Variants in LYST observed in about 807,000 individuals in gnomAD.
The protein encoded by LYST is lysosomal trafficking regulator, also known as lysosomal-trafficking regulator.
In LYST, 192 loss-of-function variants were observed where a neutral mutation model predicts 413.6. The observed-to-expected ratio is 0.46, with a 90% CI of 0.41 to 0.52. The LOEUF (loss-of-function observed/expected upper bound fraction) is 0.52, where lower values mean the gene tolerates loss of function less well. Ranked by LOEUF, LYST falls within the 20% of genes least tolerant of loss-of-function variation. LYST has a pLI of 0.00. For missense variants in LYST, 3,815 were observed against 4,499.9 expected (o/e 0.85, Z 4.35); for synonymous variants, 1,525 against 1,567.3 (o/e 0.97, Z 0.64).
intron 47 of LYST, among the ~76,000 whole-genome samples, chr1:235,691,713 T>TTTTTTA (rs1660670846): frequency 6.6e-6 from 1 of 150,424 alleles, no homozygotes; most frequent in African/African-American, 2.5e-5. Flanking sequence ...TTTTTTTTTT[T>TTTTTTA]GAGATGGAGT....
Position 235,686,893 on chromosome 1 carries a change from TTTC to T in LYST, c.10800+53_10800+55del. On this transcript the variant is annotated intron_variant, in intron 48 of 52. Transcript: ENST00000389793. The surrounding 1 kb of genome is among the most constrained non-coding windows in gnomAD (Gnocchi z 4.0). ...AAAGTGAATTATACTTCATAAAGGC[TTTC>T]TTCCCCTCATTGACAAAGTCCCATA... is the stretch of plus-strand genomic sequence containing the variant. 1 of 1,255,016 alleles carries T rather than the reference TTTC, an allele frequency of 8.0e-7. No homozygotes were observed. Among genetic ancestry groups the T allele is most frequent in the Non-Finnish European group, 1.2e-6 (1 of 852,026 alleles). 77.7% of individuals were successfully genotyped at this position (1,255,016 alleles called of 1,614,324 possible). A position where few individuals can be genotyped will look rare whatever the true frequency, so the allele number is the denominator to read the frequency against.
At chr1:235,815,182 AAC>A (rs1024451171) in intron 3 of LYST, among the ~76,000 whole-genome samples, 7 of 152,172 alleles carry the variant, frequency 4.6e-5, no homozygotes, top group African/African-American at 1.7e-4. Flanking sequence ...TTATCCGTTA[AAC>A]AAATATTTCT....
In LYST at chr1:235,800,404, T is replaced by C. The variant is rs1364203420; in HGVS notation, c.3940-18A>G. On this transcript the variant is annotated intron_variant, in intron 9 of 52. Transcript: ENST00000389793. ...ACAGTTCCCTGAAGATTAAAAAAAATACAAAATTAAATTACTTACCTCACA... is the reference window on the plus strand; with the variant it reads ...ACAGTTCCCTGAAGATTAAAAAAAACACAAAATTAAATTACTTACCTCACA... The C allele has an allele frequency of 1.4e-6, 2 of 1,409,764 alleles. No individual in the cohort carries two copies. The highest frequency in any genetic ancestry group is 1.7e-5 in the Admixed American group (1 of 59,628). The allele number at this position is 1,409,764 out of a possible 1,614,324, so 87.3% of individuals were successfully genotyped here.
At chr1:235,875,411 T>C (rs991271660) in intron 1 of LYST, among the ~76,000 whole-genome samples, 7 of 152,240 alleles carry the variant, frequency 4.6e-5, no homozygotes, top group Non-Finnish European at 8.8e-5. Context: ...CTTGGGGCTA[T>C]TGTGTGGCAA....
At chr1:235,746,916 G>C (rs1665980643) in intron 28 of LYST, among the ~76,000 whole-genome samples, 2 of 152,270 alleles carry the variant, frequency 1.3e-5, no homozygotes, top group Non-Finnish European at 2.9e-5. Flanking sequence ...TTTTTAGTAA[G>C]AATACTACTA....
At chr1:235,768,609 A>G (rs997983435) in intron 20 of LYST, among the ~76,000 whole-genome samples, 4 of 152,106 alleles carry the variant, frequency 2.6e-5, no homozygotes, top group African/African-American at 9.6e-5. Context: ...CATGTAAAGA[A>G]AAAAATTTGT....
chr1:235,716,607 A>T, intron 41 of LYST, 105 bp downstream of exon 41: 2 of 714,564 alleles, frequency 2.8e-6, no homozygotes, highest in Non-Finnish European at 5.0e-6. Context: ...CTAGTACAAG[A>T]AGGTAAAAAA....
intron 29 of LYST, among the ~76,000 whole-genome samples, chr1:235,744,361 T>C (rs530941922): frequency 6.6e-6 from 1 of 152,172 alleles, no homozygotes; most frequent in Non-Finnish European, 1.5e-5. Context: ...TGAAAATGCA[T>C]GTCATACAAT....
At chr1:235,716,948 T>C (rs560573769) in intron 40 of LYST, among the ~76,000 whole-genome samples, 170 bp from the exon 41 acceptor site, 2 of 152,320 alleles carry the variant, frequency 1.3e-5, no homozygotes, top group Admixed American at 1.3e-4. Flanking sequence ...AAAATTATGA[T>C]TTCAGAAATT....
chr1:235,787,869 G>A lies in LYST; in HGVS notation c.4689-496C>T, dbSNP rs34720939. Reference sequence around the variant, plus strand: ...AACATACTGGTTTGTTTAGATTTGAGTTTTAGACAAATAGTATCATACTAT... The same window carrying A: ...AACATACTGGTTTGTTTAGATTTGAATTTTAGACAAATAGTATCATACTAT... On this transcript the variant is annotated intron_variant, in intron 13 of 52. Transcript: ENST00000389793. Among the ~76,000 whole-genome samples, 773 of 152,088 alleles carry A rather than the reference G, an allele frequency of 5.1e-3. 7 individuals are homozygous for A. The highest frequency in any genetic ancestry group is 4.8e-3 in the Non-Finnish European group (325 of 67,966).
At chr1:235,696,989 ACCAAGGACTC>A in intron 46 of LYST, 84 bp downstream of exon 46, 1 of 1,231,738 alleles carries the variant, frequency 8.1e-7, no homozygotes, top group South Asian at 1.3e-5. Context: ...GAGTTTTTCC[ACCAAGGACTC>A]AAAGTAGCAG....
intron 42 of LYST, chr1:235,713,167 T>A (rs971799890): frequency 2.0e-6 from 2 of 983,814 alleles, no homozygotes; most frequent in Non-Finnish European, 2.4e-6. Context: ...GGCTGGCCAC[T>A]AAAAAAAATC....
intron 24 of LYST, 44 bp downstream of exon 24, chr1:235,757,237 T>G: frequency 7.4e-7 from 1 of 1,347,814 alleles, no homozygotes; most frequent in African/African-American, 1.5e-5. Flanking sequence ...ACATATATAT[T>G]TATTTTTCTG....
At chr1:235,734,797 G>C (rs573059442) in intron 31 of LYST, 138 bp from the exon 32 acceptor site, 1 of 607,758 alleles carries the variant, frequency 1.6e-6, no homozygotes. Flanking sequence ...AAGACATTCT[G>C]AGGATAAGTA....
At chr1:235,864,750 T>A (rs145363852) in intron 1 of LYST, among the ~76,000 whole-genome samples, 2 of 152,114 alleles carry the variant, frequency 1.3e-5, no homozygotes, top group Admixed American at 6.5e-5. Flanking sequence ...TGGGCAACAA[T>A]GGCGAAACCC....
At chr1:235,691,909 G>A (rs1014370625) in intron 47 of LYST, among the ~76,000 whole-genome samples, 1 of 151,118 alleles carries the variant, frequency 6.6e-6, no homozygotes, top group Non-Finnish European at 1.5e-5. Context: ...TGTTGGCCAG[G>A]CTGGTCTCGA....
chr1:235,746,644 G>C (rs1665955457), intron 28 of LYST, 117 bp from the exon 29 acceptor site: 1 of 739,838 alleles, frequency 1.4e-6, no homozygotes, highest in Non-Finnish European at 2.4e-6. Flanking sequence ...TTACTACAAA[G>C]TCAATTTATA....
At position 235,686,676 on chromosome 1, in the gene LYST, C is replaced by T. The variant is rs1660248138; in HGVS notation, c.10800+273G>A. Among the ~76,000 whole-genome samples, 2 of 152,074 alleles carry T rather than the reference C, an allele frequency of 1.3e-5. No homozygotes were observed. The highest frequency in any genetic ancestry group is 2.4e-5 in the African/African-American group (1 of 41,410). On this transcript the variant is annotated intron_variant, in intron 48 of 52. Coordinates refer to ENST00000389793, the MANE Select transcript of LYST (RefSeq NM_000081.4). This position sits in a 1 kb window ranked among gnomAD's most constrained non-coding sequence, Gnocchi z 4.0. ...AGGATTCAGGTTGCTATCGCAAATA[C>T]AGGTAAGCACCAAAATGTCATTTAA... is the stretch of plus-strand genomic sequence containing the variant.
chr1:235,687,781 C>CCT (rs1200073956), intron 47 of LYST, among the ~76,000 whole-genome samples: 1 of 152,216 alleles, frequency 6.6e-6, no homozygotes, highest in Admixed American at 6.5e-5. Flanking sequence ...CCTCTCCTCT[C>CCT]CTCTGCACCT....
Sources: allele counts gnomAD v4.1 joint callset (sites outside exome capture counted in the v4.1 genomes callset), GRCh38; gene constraint gnomAD v4.1.1; non-coding constraint Gnocchi (gnomAD v3.1); transcripts MANE v1.5; gene names NCBI Gene and HGNC (gene_info 2026-07-23, HGNC 2026-07-21).